ATG16L1: variants seen among roughly 807,000 people sequenced by gnomAD.
ATG16L1 encodes autophagy-related protein 16-1.
A neutral mutation model predicts 88.5 loss-of-function variants in ATG16L1; 37 were observed. That is an observed-to-expected ratio of 0.42 (90% CI 0.32 to 0.55). The LOEUF is 0.55. Among genes scored for constraint, ATG16L1 ranks in the 20% least tolerant of loss-of-function variants. The pLI, the probability that ATG16L1 is intolerant of heterozygous loss-of-function variation, is 0.13. For missense variants in ATG16L1, 554 were observed against 752.8 expected, an observed-to-expected ratio of 0.74 and a Z score of 3.09; for synonymous variants, 301 against 281.0, an observed-to-expected ratio of 1.07 and a Z score of -0.71.
At chr2:233,289,004 TA>T in intron 12 of ATG16L1, 1 of 457,254 alleles carries the variant, frequency 2.2e-6, no homozygotes, top group Non-Finnish European at 4.5e-6. Context: ...TTTCCTTTTG[TA>T]AATTATGCCT....
chr2:233,259,038 T>A (rs1436184027), intron 2 of ATG16L1, among the ~76,000 whole-genome samples: 1 of 152,126 alleles, frequency 6.6e-6, no homozygotes, highest in African/African-American at 2.4e-5. Flanking sequence ...ATAAACCAGG[T>A]TCATTCAGCC....
chr2:233,277,398 A>G (rs1230813245), intron 9 of ATG16L1, 170 bp from the exon 10 acceptor site: 3 of 572,802 alleles, frequency 5.2e-6, no homozygotes, highest in Non-Finnish European at 9.4e-6. Flanking sequence ...GAATAAAATG[A>G]TAATAGAATC....
At chr2:233,280,114 CTG>C (rs945238843) in intron 10 of ATG16L1, among the ~76,000 whole-genome samples, 2 of 152,182 alleles carry the variant, frequency 1.3e-5, no homozygotes, top group African/African-American at 4.8e-5. Flanking sequence ...GGTTAACAGT[CTG>C]TGGCCTGAAT....
chr2:233,274,738 G>T lies in ATG16L1; in HGVS notation c.914G>T (p.Gly305Val). Residue 305 changes from glycine (G) to valine (V), a missense_variant, in exon 9 of 18, where the codon GGT becomes GTT. Physicochemically the swap from Gly to Val is moderately radical, Grantham distance 109 (BLOSUM62 -3). This residue lies in a region of ATG16L1 where 370 missense variants were observed against 509.7 expected (regional missense o/e 0.73). Coordinates refer to ENST00000392017, the MANE Select transcript of ATG16L1 (RefSeq NM_030803.7). Reference sequence around the variant, plus strand: ...AATGTGGATACTCATCCTGGTTCTGGTAAAGAAGTGAGGGTACCAGCTACT... The same window carrying T: ...AATGTGGATACTCATCCTGGTTCTGTTAAAGAAGTGAGGGTACCAGCTACT... ...QDNVDTHPGSGKEVRVPATAL... is the reference protein window; with the variant it reads ...QDNVDTHPGSVKEVRVPATAL... 1 of 1,612,780 alleles carries T rather than the reference G, an allele frequency of 6.2e-7. No individual in the cohort carries two copies. The highest frequency in any genetic ancestry group is 8.5e-7 in the Non-Finnish European group (1 of 1,178,918).
intron 1 of ATG16L1, among the ~76,000 whole-genome samples, chr2:233,253,340 GTT>G (rs56151049): frequency 8.3e-5 from 9 of 108,642 alleles, no homozygotes; most frequent in South Asian, 5.9e-4. Flanking sequence ...GGGTTTTTTT[GTT>G]TTTTTTTTTT....
At chr2:233,252,963 G>C (rs1178583485) in intron 1 of ATG16L1, among the ~76,000 whole-genome samples, 2 of 152,124 alleles carry the variant, frequency 1.3e-5, no homozygotes, top group Admixed American at 6.5e-5. Context: ...AAAATCAGTA[G>C]TTCTCAAACT....
intron 5 of ATG16L1, among the ~76,000 whole-genome samples, chr2:233,265,731 G>C (rs942799171): frequency 2.6e-5 from 4 of 152,154 alleles, no homozygotes; most frequent in African/African-American, 9.7e-5. Context: ...GCCTCCCAAA[G>C]TGCTGGGATT....
intron 1 of ATG16L1, 137 bp downstream of exon 1, chr2:233,252,079 G>C (rs1250607553): frequency 3.3e-6 from 2 of 604,772 alleles, no homozygotes; most frequent in Admixed American, 8.1e-5. Context: ...CCGCGCTTGG[G>C]ACGCCGCACG....
At chr2:233,270,920 T>G (rs1311652070) in intron 6 of ATG16L1, among the ~76,000 whole-genome samples, 1 of 152,214 alleles carries the variant, frequency 6.6e-6, no homozygotes, top group Non-Finnish European at 1.5e-5. Context: ...GTTGCTTCCC[T>G]GTAAGTGGAG....
At position 233,282,784 on chromosome 2, in the gene ATG16L1, C is replaced by A. The variant is rs1480254486; in HGVS notation, c.1203+31C>A. The A allele has an allele frequency of 3.8e-6, 6 of 1,595,934 alleles. No individual in the cohort carries two copies. The East Asian group carries it at 1.3e-4, about 36-fold the overall frequency. On this transcript the variant is annotated intron_variant, in intron 12 of 17. Coordinates refer to ENST00000392017, the MANE Select transcript of ATG16L1 (RefSeq NM_030803.7). ...ACCCAGTTAAGAAAGTTAGTGCAAT[C>A]TCCAAACTTCATGTGGTGTTATCAA...
intron 2 of ATG16L1, among the ~76,000 whole-genome samples, chr2:233,262,306 G>C (rs1697267304): frequency 6.6e-6 from 1 of 152,170 alleles, no homozygotes; most frequent in East Asian, 1.9e-4. Flanking sequence ...CCTGCTGGCT[G>C]GTCTTCCTGT....
intron 8 of ATG16L1, chr2:233,274,007 C>T (rs1177449000): frequency 1.9e-5 from 30 of 1,550,938 alleles, no homozygotes; most frequent in Non-Finnish European, 2.4e-5. Context: ...CGAGTCTCCC[C>T]TTTTGGGACA....
rs1024444916 is a variant in ATG16L1 at position 233,265,256 on chromosome 2, C to A, written c.641+113C>A. 3.7e-6 allele frequency: 5 copies of A among 1,361,502 alleles called. No individual in the cohort carries two copies. In the African/African-American group the frequency reaches 4.4e-5, roughly 12 times the overall value. 84.3% of individuals were successfully genotyped at this position (1,361,502 alleles called of 1,614,324 possible). On this transcript the variant is annotated intron_variant, in intron 5 of 17. Transcript: ENST00000392017. ...ACTACAGGAGGTTTACCAGGGAATTCTTTCAGTGTTTCAAGGAGAAAAGCT... is the reference window on the plus strand; with the variant it reads ...ACTACAGGAGGTTTACCAGGGAATTATTTCAGTGTTTCAAGGAGAAAAGCT...
intron 17 of ATG16L1, among the ~76,000 whole-genome samples, 197 bp downstream of exon 17, chr2:233,293,554 G>T (rs762524261): frequency 1.3e-5 from 2 of 152,134 alleles, no homozygotes; most frequent in African/African-American, 2.4e-5. Flanking sequence ...TACAGAGTAC[G>T]CCAGGTAGAG....
In ATG16L1 at chr2:233,256,011, T is replaced by C. The variant is rs566527564; in HGVS notation, c.116-91T>C. The C allele has an allele frequency of 4.0e-6, 4 of 993,426 alleles. No homozygotes were observed. The South Asian group carries it at 4.2e-5, about 10-fold the overall frequency. 61.5% of individuals were successfully genotyped at this position (993,426 alleles called of 1,614,324 possible). ...GGCTGAGGAATGTATGTTCCTGTATTGCATCCTTCAATACATGACAAGGTA... is the reference window on the plus strand; with the variant it reads ...GGCTGAGGAATGTATGTTCCTGTATCGCATCCTTCAATACATGACAAGGTA... On this transcript the variant is annotated intron_variant, in intron 1 of 17. Coordinates refer to ENST00000392017, the MANE Select transcript of ATG16L1 (RefSeq NM_030803.7).
In ATG16L1 at chr2:233,290,366, A is replaced by G. The variant is rs1699378934; in HGVS notation, c.1430+13A>G. On this transcript the variant is annotated intron_variant, in intron 14 of 17. Transcript: ENST00000392017. ...TCTGGGACATTCGGTATGATACCCA[A>G]GCTCCTGACTGGAGGCACATAAGAG... 1 of 1,600,114 alleles carries G rather than the reference A, an allele frequency of 6.2e-7. No homozygotes were observed. Among genetic ancestry groups the G allele is most frequent in the Non-Finnish European group, 8.6e-7 (1 of 1,167,194 alleles).
intron 2 of ATG16L1, among the ~76,000 whole-genome samples, chr2:233,260,616 C>T (rs1697138939): frequency 6.6e-6 from 1 of 152,172 alleles, no homozygotes; most frequent in Non-Finnish European, 1.5e-5. Flanking sequence ...TGCCGAAGCA[C>T]TTTAGGGGGC....
intron 4 of ATG16L1, 86 bp downstream of exon 4, chr2:233,264,151 G>A: frequency 7.7e-7 from 1 of 1,306,100 alleles, no homozygotes; most frequent in Non-Finnish European, 1.1e-6. Flanking sequence ...AGGGCCAGTG[G>A]CAGTGAGTGG....
chr2:233,264,159 T>A (rs1697406254), intron 4 of ATG16L1, 94 bp downstream of exon 4: 2 of 1,216,104 alleles, frequency 1.6e-6, no homozygotes, highest in Non-Finnish European at 2.4e-6. Flanking sequence ...TGGCAGTGAG[T>A]GGCCACAGTG....
Sources: allele counts gnomAD v4.1 joint callset (sites outside exome capture counted in the v4.1 genomes callset), GRCh38; gene constraint gnomAD v4.1.1; regional missense constraint gnomAD v4.1.1; transcripts MANE v1.5; gene names NCBI Gene and HGNC (gene_info 2026-07-23, HGNC 2026-07-21).